Variants in SLC22A12 observed in about 807,000 individuals in gnomAD.
SLC22A12 encodes the protein organic anion transporter 4-like protein.
Under a neutral mutation model 52.7 loss-of-function variants are expected in SLC22A12, and 56 were observed. That is an observed-to-expected ratio of 1.06 (90% confidence interval 0.86 to 1.33). The LOEUF (loss-of-function observed/expected upper bound fraction) is 1.33. Among genes scored for constraint, SLC22A12 ranks in the 40% most tolerant of loss-of-function variants. SLC22A12 has a pLI of 0.00. For missense variants in SLC22A12, 683 were observed against 741.5 expected, an observed-to-expected ratio of 0.92 and a Z score of 0.92; for synonymous variants, 337 against 324.6, an observed-to-expected ratio of 1.04 and a Z score of -0.41.
intron 4 of SLC22A12, 28 bp downstream of exon 4, chr11:64,593,831 C>T (rs1001582833): frequency 1.3e-6 from 2 of 1,598,258 alleles, no homozygotes; most frequent in Non-Finnish European, 1.7e-6. Flanking sequence ...CTCCCCTCCT[C>T]AGAGGAGATC....
At position 64,598,922 on chromosome 11, in the gene SLC22A12, T is replaced by C; in HGVS notation, c.1069T>C (p.Trp357Arg). 8 of 1,612,682 alleles carry C rather than the reference T, an allele frequency of 5.0e-6. No homozygotes were observed. The highest frequency in any genetic ancestry group is 6.8e-6 in the Non-Finnish European group (8 of 1,179,940). ...RFRTCISTLC[W>R]FAFGFTFFGL... Reference sequence around the variant, plus strand: ...CCGGACCTGTATCTCCACGTTGTGCTGGTAGATGCCCTTCCCCCAACCCCA... The same window carrying C: ...CCGGACCTGTATCTCCACGTTGTGCCGGTAGATGCCCTTCCCCCAACCCCA... The change falls in exon 6 of 10, where the codon TGG (tryptophan) becomes CGG (arginine). Residue 357 changes from tryptophan to arginine, a missense_variant and splice_region_variant. Coordinates refer to ENST00000377574, the MANE Select transcript of SLC22A12 (RefSeq NM_144585.4).
intron 4 of SLC22A12, among the ~76,000 whole-genome samples, chr11:64,595,136 G>GA (rs2039090089): frequency 5.3e-4 from 38 of 72,212 alleles, no homozygotes; most frequent in South Asian, 1.5e-3. Context: ...TGGATGGATG[G>GA]TTGAATGGAT....
At chr11:64,600,339 A>T in intron 7 of SLC22A12, 28 bp from the exon 8 acceptor site, 1 of 1,550,878 alleles carries the variant, frequency 6.4e-7, no homozygotes, top group Admixed American at 1.8e-5. Context: ...CCCCCCACCA[A>T]GCTCACTAAT....
At chr11:64,592,717 C>T in intron 1 of SLC22A12, 62 bp from the exon 2 acceptor site, 1 of 1,410,952 alleles carries the variant, frequency 7.1e-7, no homozygotes, top group Non-Finnish European at 1.0e-6. Context: ...CCATGCGGTT[C>T]CTCTGCCTCT....
chr11:64,593,377 C>T (rs2038983368), intron 2 of SLC22A12, 28 bp from the exon 3 acceptor site: 1 of 1,613,858 alleles, frequency 6.2e-7, no homozygotes, highest in Non-Finnish European at 8.5e-7. Context: ...AAGCCACAGA[C>T]CCTGCCTCTT....
chr11:64,595,587 AGGAGGGAT>A (rs1472457207), intron 4 of SLC22A12, among the ~76,000 whole-genome samples: 3 of 87,400 alleles, frequency 3.4e-5, no homozygotes, highest in African/African-American at 1.4e-4. Flanking sequence ...ATGGAATGGA[AGGAGGGAT>A]GGATGGATGG....
At chr11:64,598,407 C>G in intron 4 of SLC22A12, 109 bp from the exon 5 acceptor site, 1 of 1,500,480 alleles carries the variant, frequency 6.7e-7, no homozygotes, top group Non-Finnish European at 9.1e-7. Context: ...CTCAGCCGCC[C>G]TAAGCCTTGG....
chr11:64,598,983 G>A (rs1224614397), intron 6 of SLC22A12, 60 bp downstream of exon 6: 1 of 1,588,118 alleles, frequency 6.3e-7, no homozygotes, highest in Non-Finnish European at 8.6e-7. Flanking sequence ...GGCTCTCGCT[G>A]GCACACGGCC....
intron 1 of SLC22A12, among the ~76,000 whole-genome samples, chr11:64,592,271 A>G (rs2038942976): frequency 6.6e-6 from 1 of 152,148 alleles, no homozygotes; most frequent in Non-Finnish European, 1.5e-5. Flanking sequence ...GACTCCAGGC[A>G]ACTCAGCAGC....
intron 8 of SLC22A12, 100 bp downstream of exon 8, chr11:64,600,575 A>T: frequency 7.4e-7 from 1 of 1,349,682 alleles, no homozygotes; most frequent in African/African-American, 1.4e-5. Flanking sequence ...TGTTCATGTC[A>T]TGCATCTCCC....
intron 1 of SLC22A12, among the ~76,000 whole-genome samples, chr11:64,592,368 C>T (rs984693606): frequency 2.6e-5 from 4 of 152,026 alleles, no homozygotes; most frequent in African/African-American, 7.3e-5. Flanking sequence ...CCAGATGGGG[C>T]GCCAGGCAAA....
intron 4 of SLC22A12, among the ~76,000 whole-genome samples, chr11:64,595,470 G>A (rs2039133860): frequency 7.1e-6 from 1 of 140,706 alleles, no homozygotes; most frequent in South Asian, 2.4e-4. Flanking sequence ...ATGGATGTTT[G>A]GAATAGATGG....
chr11:64,593,943 T>C (rs2039004971), intron 4 of SLC22A12, 140 bp downstream of exon 4: 2 of 1,299,680 alleles, frequency 1.5e-6, no homozygotes, highest in East Asian at 2.5e-5. Context: ...GCCAGGAGCG[T>C]GGCAGAGTGT....
intron 8 of SLC22A12, 27 bp from the exon 9 acceptor site, chr11:64,600,708 C>A (rs142454128): frequency 1.2e-6 from 2 of 1,602,430 alleles, no homozygotes; most frequent in Non-Finnish European, 1.7e-6. Context: ...ACAGACCAGG[C>A]GCTTATAGGT....
At position 64,600,923 on chromosome 11, in the gene SLC22A12, A is replaced by G; in HGVS notation, c.1583A>G (p.Gln528Arg). The change falls in exon 9 of 10, where the codon CAA (glutamine) becomes CGA (arginine). Residue 528 changes from glutamine to arginine, a missense_variant. Physicochemically the swap from Gln to Arg is conservative, Grantham distance 43 (BLOSUM62 1). Transcript: ENST00000377574. ...TQSLPLPDTI[Q>R]DVQNQAVKKA... is the part of the protein sequence containing the mutation. ...AGCTTGCCGCTGCCCGACACCATCC[A>G]AGATGTGCAGAACCAGTGAGTGGAC... 6.2e-7 allele frequency: 1 copy of G among 1,608,794 alleles called. No homozygotes were observed.
At chr11:64,592,460 G>T (rs2038949384) in intron 1 of SLC22A12, among the ~76,000 whole-genome samples, 1 of 152,196 alleles carries the variant, frequency 6.6e-6, no homozygotes, top group Non-Finnish European at 1.5e-5. Flanking sequence ...GCAACCTCTG[G>T]GAGAGGGGTG....
Position 64,599,899 on chromosome 11 carries a change from G to T in SLC22A12, c.1285+9G>T, listed in dbSNP as rs766398770. On this transcript the variant is annotated intron_variant, in intron 7 of 9. Transcript: ENST00000377574. ...CACGCTGGTGCCCCACGGTGAGGGG[G>T]CAAAGCTGTACACCAGAGACTTCCC... is the stretch of plus-strand genomic sequence containing the variant. 49 of 1,611,072 alleles carry T rather than the reference G, an allele frequency of 3.0e-5. No individual in the cohort carries two copies. The highest frequency in any genetic ancestry group is 4.1e-5 in the Non-Finnish European group (48 of 1,179,212).
chr11:64,592,404 C>T lies in SLC22A12; in HGVS notation c.403-375C>T, dbSNP rs183323559. On this transcript the variant is annotated intron_variant, in intron 1 of 9. Coordinates refer to ENST00000377574, the MANE Select transcript of SLC22A12 (RefSeq NM_144585.4). ...GCCAGGCAAGCAGAGAGGGGCAGCT[C>T]ATCCCAACAAGTGGGAAGAACCTCT... 1.7e-3 allele frequency among the ~76,000 whole-genome samples: 254 copies of T among 152,210 alleles called. 1 individual carries two copies. The highest frequency in any genetic ancestry group is 6.0e-3 in the African/African-American group (249 of 41,530).
chr11:64,598,525 A>C lies in SLC22A12; in HGVS notation c.840A>C (p.Ala280=), dbSNP rs529903820. 2.1e-5 allele frequency: 33 copies of C among 1,583,570 alleles called. 1 individual carries two copies. The South Asian group carries it at 3.5e-4, about 17-fold the overall frequency. Residue 280 remains alanine (A), a synonymous_variant, in exon 5 of 10, where the codon GCA becomes GCC. Transcript: ENST00000377574. The part of the protein sequence containing the change: ...FLCFLYSWWL[A]ESARWLLTTG... The stretch of plus-strand genomic sequence containing the variant: ...GCCCCCTCCACTTAAGGTGGCTGGC[A>C]GAGTCGGCACGATGGCTCCTCACCA...
Sources: allele counts gnomAD v4.1 joint callset (sites outside exome capture counted in the v4.1 genomes callset), GRCh38; gene constraint gnomAD v4.1.1; transcripts MANE v1.5; gene names NCBI Gene and HGNC (gene_info 2026-07-23, HGNC 2026-07-21).